The following VPS8 variants were observed in gnomAD, a reference collection of about 807,000 sequenced individuals.
VPS8 encodes the protein VPS8 subunit of CORVET complex.
Under a neutral mutation model 216.4 loss-of-function variants are expected in VPS8, and 129 were observed. That is an observed-to-expected ratio of 0.60 (90% CI 0.52 to 0.69). The LOEUF is 0.69. VPS8 is among the 30% of genes least tolerant of loss of function. VPS8 has a pLI of 0.00. For synonymous variants in VPS8, 571 were observed against 565.4 expected, an observed-to-expected ratio of 1.01 and a Z score of -0.14; for missense variants, 1,531 against 1,683.5, an observed-to-expected ratio of 0.91 and a Z score of 1.59.
chr3:184,928,363 T>C, intron 31 of VPS8, 88 bp from the exon 32 acceptor site: 2 of 1,232,462 alleles, frequency 1.6e-6, no homozygotes, highest in Non-Finnish European at 2.2e-6. Flanking sequence ...AAGAAAAAAA[T>C]TAAATGTTAT....
chr3:185,050,433 T>G (rs1354975447), intron 47 of VPS8, among the ~76,000 whole-genome samples: 1 of 152,184 alleles, frequency 6.6e-6, no homozygotes, highest in African/African-American at 2.4e-5. Flanking sequence ...GGCCTTCAGA[T>G]GTCTTCCCAG....
intron 26 of VPS8, among the ~76,000 whole-genome samples, chr3:184,914,384 A>G (rs1056307016): frequency 2.0e-5 from 3 of 152,228 alleles, no homozygotes; most frequent in African/African-American, 7.2e-5. Context: ...AATAGAAAAA[A>G]GGTAGACATG....
chr3:184,997,510 A>G (rs115312841), intron 44 of VPS8, among the ~76,000 whole-genome samples: 1,655 of 152,346 alleles, frequency 0.011, 32 homozygotes, highest in African/African-American at 0.037. Flanking sequence ...CTCTTCACAC[A>G]AAGAGCCCAT....
rs1192320074 is a variant in VPS8, at chr3:184,895,827, C to G, written c.2004+902C>G. 2.0e-5 allele frequency among the ~76,000 whole-genome samples: 3 copies of G among 149,788 alleles called. No individual in the cohort carries two copies. In the South Asian group the frequency reaches 6.4e-4, roughly 32 times the overall value. ...TTTTGTATTTTTAGTAGAGACGGGG[C>G]TTCACCATGTTGGGCAGGCTGGTCT... On this transcript the variant is annotated intron_variant, in intron 23 of 47. Coordinates refer to ENST00000625842, the MANE Select transcript of VPS8 (RefSeq NM_001009921.3).
intron 25 of VPS8, among the ~76,000 whole-genome samples, chr3:184,910,041 C>T (rs1400225192): frequency 1.3e-5 from 2 of 151,868 alleles, no homozygotes; most frequent in Non-Finnish European, 2.9e-5. Context: ...TTCTGATCCA[C>T]ACGCATGGGT....
intron 22 of VPS8, among the ~76,000 whole-genome samples, chr3:184,893,563 A>G (rs1477232002): frequency 1.3e-5 from 2 of 152,196 alleles, no homozygotes; most frequent in Non-Finnish European, 2.9e-5. Flanking sequence ...CAGGGGAGAA[A>G]AACCAAGTTT....
At chr3:184,838,287 G>C (rs1721492044) in intron 5 of VPS8, among the ~76,000 whole-genome samples, 1 of 152,116 alleles carries the variant, frequency 6.6e-6, no homozygotes, top group African/African-American at 2.4e-5. Context: ...GAGGTTATTA[G>C]GTAATTGGTA....
chr3:184,944,395 A>G (rs760827383), intron 36 of VPS8: 33 of 425,882 alleles, frequency 7.7e-5, no homozygotes, highest in Non-Finnish European at 1.0e-4. Flanking sequence ...CCTTTGGGAC[A>G]GCTGCTACGT....
At chr3:184,948,625 G>A (rs1245405363) in intron 36 of VPS8, among the ~76,000 whole-genome samples, 3 of 152,110 alleles carry the variant, frequency 2.0e-5, no homozygotes, top group African/African-American at 7.2e-5. Context: ...GTAGTACTTG[G>A]GTGAATTCAT....
rs188902763 is a variant in VPS8, at chr3:184,939,729, A to G, written c.2989-468A>G. Among the ~76,000 whole-genome samples the G allele has an allele frequency of 2.6e-5, 4 of 152,228 alleles. No homozygotes were observed. In the East Asian group the frequency reaches 7.7e-4, roughly 29 times the overall value. ...CTTCTGTAGTTGTTGATATTCATGA[A>G]CTTTTTTGGTGGTGGTTGTTAACTT... On this transcript the variant is annotated intron_variant, in intron 35 of 47. Coordinates refer to ENST00000625842, the MANE Select transcript of VPS8 (RefSeq NM_001009921.3).
intron 17 of VPS8, among the ~76,000 whole-genome samples, chr3:184,867,759 T>A (rs1351383365): frequency 6.6e-6 from 1 of 152,134 alleles, no homozygotes; most frequent in African/African-American, 2.4e-5. Flanking sequence ...GGAATGAGAA[T>A]CATTTGAACC....
chr3:184,839,015 C>T (rs1030470081), intron 6 of VPS8: 2 of 313,286 alleles, frequency 6.4e-6, no homozygotes, highest in African/African-American at 2.2e-5. Flanking sequence ...TACTACCCTG[C>T]CCAAGTAAAT....
intron 29 of VPS8, chr3:184,922,316 T>C: frequency 2.6e-6 from 1 of 391,828 alleles, no homozygotes; most frequent in Admixed American, 3.0e-5. Flanking sequence ...CACTGTAGTG[T>C]CATGTTTACA....
At chr3:184,818,309 A>T (rs1716786323) in intron 1 of VPS8, among the ~76,000 whole-genome samples, 1 of 152,090 alleles carries the variant, frequency 6.6e-6, no homozygotes, top group Non-Finnish European at 1.5e-5. Context: ...AGGCGGTCAG[A>T]TGGCTTGAGC....
chr3:184,819,531 T>A (rs537630919), intron 1 of VPS8, among the ~76,000 whole-genome samples: 1 of 152,202 alleles, frequency 6.6e-6, no homozygotes, highest in African/African-American at 2.4e-5. Context: ...GTATCAAGAG[T>A]GAAATATTAA....
chr3:185,041,127 C>A (rs898427489), intron 46 of VPS8, among the ~76,000 whole-genome samples: 4 of 151,964 alleles, frequency 2.6e-5, no homozygotes, highest in African/African-American at 9.7e-5. Context: ...ATTGTTTGAA[C>A]CTGGGAGGCG....
At chr3:184,933,543 G>T (rs548802506) in intron 34 of VPS8, among the ~76,000 whole-genome samples, 107 of 152,002 alleles carry the variant, frequency 7.0e-4, no homozygotes, top group African/African-American at 2.4e-3. Context: ...GTGTGTGTGT[G>T]TGTGTTTTTA....
At chr3:184,829,807 G>A (rs984568456) in intron 3 of VPS8, among the ~76,000 whole-genome samples, 1 of 152,120 alleles carries the variant, frequency 6.6e-6, no homozygotes, top group Non-Finnish European at 1.5e-5. Flanking sequence ...GGTTTTGACC[G>A]TTTGAATATC....
chr3:184,888,469 T>A (rs547406003), intron 22 of VPS8, among the ~76,000 whole-genome samples: 1 of 152,226 alleles, frequency 6.6e-6, no homozygotes, highest in Non-Finnish European at 1.5e-5. Context: ...ATGATATGTC[T>A]GCTAACCTGA....
Sources: allele counts gnomAD v4.1 joint callset (sites outside exome capture counted in the v4.1 genomes callset), GRCh38; gene constraint gnomAD v4.1.1; transcripts MANE v1.5; gene names NCBI Gene and HGNC (gene_info 2026-07-23, HGNC 2026-07-21).